Variants in NISCH observed in about 807,000 individuals in gnomAD.
The protein encoded by NISCH is nischarin.
In NISCH, 55 loss-of-function variants were observed where a neutral mutation model predicts 138.4. The observed-to-expected ratio is 0.40, with a 90% CI of 0.32 to 0.50. NISCH has a LOEUF of 0.50. NISCH is among the 20% of genes least tolerant of loss of function. NISCH has a pLI of 0.71. For synonymous variants in NISCH, 860 were observed against 861.5 expected (o/e 1.00, Z 0.03); for missense variants, 1,643 against 2,005.5 (o/e 0.82, Z 3.45).
intron 3 of NISCH, among the ~76,000 whole-genome samples, chr3:52,468,904 T>G (rs564575345): frequency 6.6e-6 from 1 of 151,020 alleles, no homozygotes; most frequent in East Asian, 1.9e-4. Flanking sequence ...TCATGAAGGA[T>G]AAAAAAAAAT....
intron 13 of NISCH, chr3:52,480,805 AC>A (rs1434632970): frequency 2.0e-6 from 3 of 1,501,242 alleles, no homozygotes; most frequent in Non-Finnish European, 2.7e-6. Flanking sequence ...GTCCCTGTGG[AC>A]CCATGGAAGA....
intron 7 of NISCH, among the ~76,000 whole-genome samples, chr3:52,474,537 C>T (rs1707046184): frequency 6.6e-6 from 1 of 152,104 alleles, no homozygotes; most frequent in African/African-American, 2.4e-5. Flanking sequence ...ACCTCGTGAT[C>T]CACCCGCCTC....
rs1707528230 is a variant in NISCH, at chr3:52,490,293, G to A, written c.3613+62G>A. On this transcript the variant is annotated intron_variant, in intron 18 of 20. Coordinates refer to ENST00000345716, the MANE Select transcript of NISCH (RefSeq NM_007184.4). ...GTGTGTGGTTGGGGCAGGCCTGGGG[G>A]GTCATTCTCTGGAGCCAGCTGTGTG... is the stretch of plus-strand genomic sequence containing the variant. The A allele has an allele frequency of 1.9e-6, 3 of 1,574,860 alleles. No individual in the cohort carries two copies. The East Asian group carries it at 6.7e-5, about 35-fold the overall frequency.
chr3:52,471,719 G>C (rs531691197), intron 4 of NISCH, 95 bp from the exon 5 acceptor site: 1 of 1,440,246 alleles, frequency 6.9e-7, no homozygotes, highest in African/African-American at 1.6e-5. Context: ...GTGGGTGCTT[G>C]CCAACTGCTT....
At chr3:52,490,558 C>A (rs6810027) in intron 18 of NISCH, 147 bp from the exon 19 acceptor site, 1,071,851 of 1,124,192 alleles carry the variant, frequency 0.95, 511,205 homozygotes, top group African/African-American at 0.99. Context: ...GAAGAGGCTC[C>A]GACTCCAGAG....
intron 4 of NISCH, chr3:52,471,238 G>A (rs1433738527): frequency 7.1e-6 from 3 of 422,200 alleles, no homozygotes; most frequent in Admixed American, 4.0e-5. Flanking sequence ...CACAGTTATA[G>A]TAGCTCATGT....
At chr3:52,484,689 C>T in intron 14 of NISCH, 52 bp downstream of exon 14, 1 of 1,607,564 alleles carries the variant, frequency 6.2e-7, no homozygotes, top group African/African-American at 1.3e-5. Context: ...GTGGACTCTT[C>T]TGCTTGGGGT....
At position 52,484,542 on chromosome 3, in the gene NISCH, G is replaced by A. The variant is rs1306201211; in HGVS notation, c.1558G>A (p.Ala520Thr). 2 of 1,607,398 alleles carry A rather than the reference G, an allele frequency of 1.2e-6. No individual in the cohort carries two copies. The highest frequency in any genetic ancestry group is 1.7e-6 in the Non-Finnish European group (2 of 1,176,744). Residue 520 changes from alanine (A) to threonine (T), a missense_variant, in exon 14 of 21, where the codon GCC becomes ACC. Transcript: ENST00000345716. ...CATGTTCGTTCAGGAGGAGGCCCTG[G>A]CCAGCAGCCTCTCGTCCACTGACAG... ...GIMFVQEEAL[A>T]SSLSSTDSLT... is the part of the protein sequence containing the mutation.
intron 3 of NISCH, 134 bp downstream of exon 3, chr3:52,458,978 C>T (rs1706554673): frequency 4.5e-6 from 3 of 673,628 alleles, no homozygotes; most frequent in Non-Finnish European, 7.3e-6. Context: ...AGGAACGTCA[C>T]CCTGGTTAGG....
intron 13 of NISCH, among the ~76,000 whole-genome samples, chr3:52,483,871 G>T (rs1344096968): frequency 6.6e-6 from 1 of 152,370 alleles, no homozygotes; most frequent in East Asian, 1.9e-4. Context: ...TGGATGGGTG[G>T]GCCAGCTTGC....
rs1455706610 is a variant in NISCH, at chr3:52,488,424, TA to T, written c.2933del (p.Tyr978SerfsTer31). ...CCACGTGCTAGAGCTGCTCGTGGGG[TA>T]CCGCTTTGTCACTGCCATCTTCGTG... The part of the protein sequence containing the change: ...DGHVLELLVG[Y>X]RFVTAIFVLP... On this transcript the variant is annotated frameshift_variant, in exon 16 of 21. Coordinates refer to ENST00000345716, the MANE Select transcript of NISCH (RefSeq NM_007184.4). LOFTEE classifies it high-confidence loss of function. The T allele has an allele frequency of 6.2e-7, 1 of 1,613,734 alleles. No homozygotes were observed. Among genetic ancestry groups the T allele is most frequent in the Non-Finnish European group, 8.5e-7 (1 of 1,180,006 alleles).
At chr3:52,470,631 G>A in intron 3 of NISCH, 2 of 590,598 alleles carry the variant, frequency 3.4e-6, no homozygotes, top group Non-Finnish European at 6.0e-6. Flanking sequence ...GCATTAGGCT[G>A]ATTTCCCTTC....
rs1706441379 is a variant in NISCH, at chr3:52,455,660, T to C, written c.19T>C (p.Phe7Leu). 7.4e-7 allele frequency: 1 copy of C among 1,353,362 alleles called. No homozygotes were observed. The highest frequency in any genetic ancestry group is 9.6e-7 in the Non-Finnish European group (1 of 1,043,934). 83.8% of individuals were successfully genotyped at this position (1,353,362 alleles called of 1,614,324 possible). The change falls in exon 1 of 21, where the codon TTC (phenylalanine) becomes CTC (leucine). Residue 7 changes from phenylalanine to leucine, a missense_variant. By Grantham distance (22) the Phe-to-Leu change is conservative (BLOSUM62 0). Coordinates refer to ENST00000345716, the MANE Select transcript of NISCH (RefSeq NM_007184.4). ...CCCGAACATGGCGACCGCGCGCACCTTCGGGCCCGAGCGGGAAGCCGAGCC... is the reference window on the plus strand; with the variant it reads ...CCCGAACATGGCGACCGCGCGCACCCTCGGGCCCGAGCGGGAAGCCGAGCC... MATART[F>L]GPEREAEPAK...
chr3:52,492,554 CTA>C lies in NISCH; in HGVS notation c.*73_*74del, dbSNP rs1707599394. On this transcript the variant is annotated 3_prime_UTR_variant, in exon 21 of 21. Coordinates refer to ENST00000345716, the MANE Select transcript of NISCH (RefSeq NM_007184.4). ...GCAGGGCAGCAGGCTTTTGTGTTCT[CTA>C]AAAATGTTTTATCCTCCCTTTGGTA... 8.2e-6 allele frequency: 12 copies of C among 1,471,814 alleles called. No homozygotes were observed. Among genetic ancestry groups the C allele is most frequent in the Non-Finnish European group, 1.1e-5 (12 of 1,116,100 alleles). The allele number at this position is 1,471,814 out of a possible 1,614,324, so 91.2% of individuals were successfully genotyped here.
chr3:52,488,304 C>T lies in NISCH; in HGVS notation c.2812C>T (p.Arg938Cys), dbSNP rs200010476. The part of the protein sequence containing the change: ...PNRGTHNCRN[R>C]NSFKLSRVPL... ...CCGTGGCACCCACAACTGTCGCAAC[C>T]GCAACAGCTTCAAGCTCAGCCGTGT... Residue 938 changes from arginine (R) to cysteine (C), a missense_variant, in exon 16 of 21, where the codon CGC becomes TGC. Arg to Cys is a radical substitution (Grantham distance 180, BLOSUM62 -3). Coordinates refer to ENST00000345716, the MANE Select transcript of NISCH (RefSeq NM_007184.4). 46 of 1,611,428 alleles carry T rather than the reference C, an allele frequency of 2.9e-5. No homozygotes were observed. The highest frequency in any genetic ancestry group is 3.6e-5 in the Non-Finnish European group (42 of 1,179,998).
rs1707462819 is a variant in NISCH, at chr3:52,488,282, T to TGGCACCCACAACTGTCGCAACCGC, written c.2791_2814dup (p.Gly931_Arg938dup). Reference sequence around the variant, plus strand: ...CCGACTTCAACCCCATGCCCAACCGTGGCACCCACAACTGTCGCAACCGCA... The same window carrying TGGCACCCACAACTGTCGCAACCGC: ...CCGACTTCAACCCCATGCCCAACCGTGGCACCCACAACTGTCGCAACCGCGGCACCCACAACTGTCGCAACCGCA... On this transcript the variant is annotated inframe_insertion, in exon 16 of 21. Coordinates refer to ENST00000345716, the MANE Select transcript of NISCH (RefSeq NM_007184.4). The TGGCACCCACAACTGTCGCAACCGC allele has an allele frequency of 6.2e-7, 1 of 1,610,424 alleles. No individual in the cohort carries two copies. Among genetic ancestry groups the TGGCACCCACAACTGTCGCAACCGC allele is most frequent in the African/African-American group, 1.3e-5 (1 of 74,936 alleles).
Position 52,487,973 on chromosome 3 carries a change from C to T in NISCH, c.2481C>T (p.Ser827=), listed in dbSNP as rs1300278366. The change falls in exon 16 of 21, where the codon AGC becomes AGT. Residue 827 remains serine, a synonymous_variant. Transcript: ENST00000345716. The surrounding 1 kb of genome is among the most constrained non-coding windows in gnomAD (Gnocchi z 9.1). ...TGTGTAGCCCCATCCTCTACGGCAG[C>T]CACACCAGCCTGCAGGAGTTCCTGC... ...AMLCSPILYG[S]HTSLQEFLRQ... The T allele has an allele frequency of 6.2e-7, 1 of 1,611,670 alleles. No individual in the cohort carries two copies. The highest frequency in any genetic ancestry group is 2.2e-5 in the East Asian group (1 of 44,878).
In NISCH at chr3:52,476,466, C is replaced by G; in HGVS notation, c.785C>G (p.Ala262Gly). 6.2e-7 allele frequency: 1 copy of G among 1,614,120 alleles called. No homozygotes were observed. The highest frequency in any genetic ancestry group is 8.5e-7 in the Non-Finnish European group (1 of 1,180,008). Reference sequence around the variant, plus strand: ...ATGCAGGAAGTCCTTGTTCCTGAAGCCTCAGAATTTGATGAGTGGGAGCCT... The same window carrying G: ...ATGCAGGAAGTCCTTGTTCCTGAAGGCTCAGAATTTGATGAGTGGGAGCCT... ...TSMKEVLVPE[A>G]SEFDEWEPEG... is the part of the protein sequence containing the mutation. The change falls in exon 8 of 21, where the codon GCC becomes GGC. Residue 262 changes from alanine (A) to glycine (G), a missense_variant. Physicochemically the swap from Ala to Gly is moderately conservative, Grantham distance 60. Transcript: ENST00000345716.
intron 1 of NISCH, 79 bp from the exon 2 acceptor site, chr3:52,457,764 T>C (rs980917146): frequency 5.0e-6 from 5 of 1,001,904 alleles, no homozygotes; most frequent in South Asian, 1.3e-5. Flanking sequence ...GAAAGATAAT[T>C]GCAGCTTTTG....
Sources: allele counts gnomAD v4.1 joint callset (sites outside exome capture counted in the v4.1 genomes callset), GRCh38; gene constraint gnomAD v4.1.1; non-coding constraint Gnocchi (gnomAD v3.1); transcripts MANE v1.5; gene names NCBI Gene and HGNC (gene_info 2026-07-23, HGNC 2026-07-21).